Variants in SDK1 observed in about 807,000 individuals in gnomAD.
The protein encoded by SDK1 is sidekick cell adhesion molecule 1, also known as protein sidekick-1.
Under a neutral mutation model 245.5 loss-of-function variants are expected in SDK1, and 157 were observed. That is an observed-to-expected ratio of 0.64 (90% confidence interval 0.56 to 0.73). The LOEUF is 0.73. SDK1 is among the 30% of genes least tolerant of loss of function. The pLI is 0.00. For missense variants in SDK1, 3,583 were observed against 3,002.3 expected (o/e 1.19, Z -4.52); for synonymous variants, 1,647 against 1,278.5 (o/e 1.29, Z -6.15).
At chr7:3,640,945 G>A (rs899778479) in intron 3 of SDK1, among the ~76,000 whole-genome samples, 12 of 151,926 alleles carry the variant, frequency 7.9e-5, no homozygotes, top group South Asian at 2.1e-4. Flanking sequence ...GCCTCCCAAA[G>A]TGCTGGGATG....
chr7:3,421,711 AT>A (rs1334546694), intron 1 of SDK1, among the ~76,000 whole-genome samples: 1 of 152,042 alleles, frequency 6.6e-6, no homozygotes, highest in Non-Finnish European at 1.5e-5. Flanking sequence ...ATGGGATCAC[AT>A]TCTTTGGGCT....
intron 1 of SDK1, among the ~76,000 whole-genome samples, chr7:3,415,861 T>G (rs1050392843): frequency 2.6e-5 from 4 of 152,070 alleles, no homozygotes; most frequent in Non-Finnish European, 5.9e-5. Flanking sequence ...ACTAACTGAA[T>G]GAATTAAATG....
At chr7:3,564,120 GA>G (rs1367206694) in intron 1 of SDK1, among the ~76,000 whole-genome samples, 3 of 151,638 alleles carry the variant, frequency 2.0e-5, no homozygotes, top group Admixed American at 1.3e-4. Context: ...TAGGAAACAA[GA>G]AAGATAAAAA....
At chr7:4,061,914 T>G (rs1214322683) in intron 19 of SDK1, among the ~76,000 whole-genome samples, 2 of 137,286 alleles carry the variant, frequency 1.5e-5, no homozygotes, top group Non-Finnish European at 3.0e-5. Context: ...TTCTCACTCA[T>G]AGGTGGGAAT....
intron 1 of SDK1, among the ~76,000 whole-genome samples, chr7:3,405,940 G>A (rs1195639161): frequency 6.6e-6 from 1 of 151,380 alleles, no homozygotes; most frequent in Non-Finnish European, 1.5e-5. Flanking sequence ...AGCCTCCTGA[G>A]TAGGTGGGAT....
At chr7:3,907,551 C>T (rs1414050972) in intron 5 of SDK1, among the ~76,000 whole-genome samples, 1 of 152,168 alleles carries the variant, frequency 6.6e-6, no homozygotes, top group African/African-American at 2.4e-5. Context: ...CCTATTGGCT[C>T]TTGTGAATAA....
At chr7:4,062,963 A>T (rs1191164212) in intron 19 of SDK1, among the ~76,000 whole-genome samples, 1 of 152,234 alleles carries the variant, frequency 6.6e-6, no homozygotes, top group Non-Finnish European at 1.5e-5. Flanking sequence ...CCTCAGTATG[A>T]TAAAGTCTGT....
At chr7:3,937,141 T>G (rs1290067752) in intron 5 of SDK1, among the ~76,000 whole-genome samples, 1 of 151,974 alleles carries the variant, frequency 6.6e-6, no homozygotes, top group Non-Finnish European at 1.5e-5. Context: ...AGATGAAACT[T>G]CTCAGCTCTC....
At chr7:3,677,789 G>A (rs561488729) in intron 4 of SDK1, among the ~76,000 whole-genome samples, 75 of 152,296 alleles carry the variant, frequency 4.9e-4, no homozygotes, top group African/African-American at 1.7e-3. Context: ...TATTAGTGGA[G>A]GGATAGACAC....
intron 5 of SDK1, among the ~76,000 whole-genome samples, chr7:3,891,703 A>AT (rs544194391): frequency 5.9e-4 from 90 of 152,134 alleles, no homozygotes; most frequent in Non-Finnish European, 7.1e-4. Context: ...GAAAGATTTC[A>AT]TTGGGGACCT....
chr7:3,770,908 C>T (rs547846718), intron 4 of SDK1, among the ~76,000 whole-genome samples: 1 of 152,066 alleles, frequency 6.6e-6, no homozygotes, highest in Non-Finnish European at 1.5e-5. Context: ...AGGTAACATT[C>T]TTTGTTGCCA....
intron 44 of SDK1, among the ~76,000 whole-genome samples, chr7:4,247,251 G>T (rs368439558): frequency 1.3e-5 from 2 of 152,294 alleles, no homozygotes; most frequent in Non-Finnish European, 1.5e-5. Flanking sequence ...GGTTGTAGAT[G>T]AACTCCCGGC....
intron 1 of SDK1, among the ~76,000 whole-genome samples, chr7:3,492,713 C>A (rs1193478155): frequency 6.6e-6 from 1 of 152,152 alleles, no homozygotes; most frequent in Admixed American, 6.5e-5. Flanking sequence ...TACATAACAT[C>A]CCTGACAACC....
At chr7:4,171,546 G>A (rs998044139) in intron 32 of SDK1, among the ~76,000 whole-genome samples, 1 of 152,316 alleles carries the variant, frequency 6.6e-6, no homozygotes, top group Admixed American at 6.5e-5. Context: ...CTGGTTCGGC[G>A]GTTCTGGCCT....
At chr7:3,736,782 G>T (rs1372770885) in intron 4 of SDK1, among the ~76,000 whole-genome samples, 1 of 152,174 alleles carries the variant, frequency 6.6e-6, no homozygotes, top group African/African-American at 2.4e-5. Flanking sequence ...TACCATTCTT[G>T]TGTGTGTCTG....
chr7:3,705,825 T>C (rs1386637947), intron 4 of SDK1, among the ~76,000 whole-genome samples: 1 of 152,112 alleles, frequency 6.6e-6, no homozygotes, highest in African/African-American at 2.4e-5. Flanking sequence ...GTGGTCATCC[T>C]TGACCTATTT....
chr7:3,756,907 C>T (rs938929220), intron 4 of SDK1, among the ~76,000 whole-genome samples: 47 of 152,276 alleles, frequency 3.1e-4, no homozygotes, highest in Admixed American at 2.2e-3. Flanking sequence ...TTATTCCTGG[C>T]GATGCGAACC....
intron 4 of SDK1, among the ~76,000 whole-genome samples, chr7:3,718,384 G>A (rs1218500235): frequency 6.6e-6 from 1 of 151,820 alleles, no homozygotes; most frequent in Non-Finnish European, 1.5e-5. Context: ...CCAGGTGCCT[G>A]TAGTTCCAGA....
chr7:3,905,727 A>G (rs1778884765), intron 5 of SDK1, among the ~76,000 whole-genome samples: 1 of 151,906 alleles, frequency 6.6e-6, no homozygotes, highest in African/African-American at 2.4e-5. Context: ...GGTTCAAGCA[A>G]TCTTCTAGAC....
Sources: gnomAD v4.1 joint callset for allele counts (sites outside exome capture counted in the v4.1 genomes callset) on GRCh38, gnomAD v4.1.1 for gene constraint, MANE v1.5 for transcripts, NCBI Gene and HGNC (gene_info 2026-07-23, HGNC 2026-07-21) for gene names.